NDFIP1: variants seen among roughly 807,000 people sequenced by gnomAD.
NDFIP1 encodes NEDD4 family-interacting protein 1.
Under a neutral mutation model 28.8 loss-of-function variants are expected in NDFIP1, and 7 were observed. The ratio of observed to expected loss-of-function variants is 0.24; its 90% CI spans 0.14 to 0.46. NDFIP1 has a LOEUF of 0.46. NDFIP1 is among the 20% of genes least tolerant of loss of function. The pLI is 0.99. For missense variants in NDFIP1, 194 were observed against 269.1 expected (o/e 0.72, Z 1.95); for synonymous variants, 92 against 101.0 (o/e 0.91, Z 0.53).
intron 1 of NDFIP1, among the ~76,000 whole-genome samples, chr5:142,121,183 G>A (rs1374029017): frequency 6.6e-6 from 1 of 152,202 alleles, no homozygotes; most frequent in African/African-American, 2.4e-5. Context: ...GAATTACATT[G>A]TGATCAAGAT....
chr5:142,115,686 T>G (rs1156935430), intron 1 of NDFIP1, among the ~76,000 whole-genome samples: 3 of 152,188 alleles, frequency 2.0e-5, no homozygotes, highest in African/African-American at 7.2e-5. Flanking sequence ...TTTCAAGTCA[T>G]TGTTGCCAAT....
intron 1 of NDFIP1, among the ~76,000 whole-genome samples, chr5:142,125,062 G>A (rs1409173616): frequency 3.3e-5 from 5 of 152,030 alleles, no homozygotes; most frequent in South Asian, 4.1e-4. Flanking sequence ...TCCTAACCTC[G>A]TGATCTGCCT....
rs1756980899 is a variant in NDFIP1, at chr5:142,108,930, A to G, written c.-45A>G. On this transcript the variant is annotated 5_prime_UTR_variant, in exon 1 of 8. Transcript: ENST00000253814. ...CAAGCCGCAGCGGCCGCGCCCCTTC[A>G]GCTAGCTCGCTCGCTCGCTCTGCTT... 1.5e-5 allele frequency: 21 copies of G among 1,408,876 alleles called. No individual in the cohort carries two copies. The highest frequency in any genetic ancestry group is 3.0e-5 in the African/African-American group (2 of 66,798). The allele number at this position is 1,408,876 out of a possible 1,614,324, so 87.3% of individuals were successfully genotyped here. A position where few individuals can be genotyped will look rare whatever the true frequency, so the allele number is the denominator to read the frequency against.
At chr5:142,136,244 T>G (rs1757273531) in intron 4 of NDFIP1, among the ~76,000 whole-genome samples, 1 of 152,232 alleles carries the variant, frequency 6.6e-6, no homozygotes. Flanking sequence ...TTTATCTTTT[T>G]GTGTGCCTCA....
At chr5:142,145,677 T>C (rs186771310) in intron 7 of NDFIP1, among the ~76,000 whole-genome samples, 2 of 152,232 alleles carry the variant, frequency 1.3e-5, no homozygotes, top group Middle Eastern at 3.4e-3. Flanking sequence ...GTTCAGAGGA[T>C]AGCAGCTTGA....
intron 4 of NDFIP1, 55 bp from the exon 5 acceptor site, chr5:142,137,679 T>G: frequency 1.2e-6 from 2 of 1,600,796 alleles, no homozygotes; most frequent in South Asian, 1.1e-5. Flanking sequence ...TAAGGCACTC[T>G]TGTTCTTGGG....
intron 1 of NDFIP1, among the ~76,000 whole-genome samples, chr5:142,115,185 T>G (rs560947866): frequency 6.6e-6 from 1 of 152,322 alleles, no homozygotes; most frequent in Admixed American, 6.5e-5. Flanking sequence ...ATCCTCAGAT[T>G]TATTTGTTTT....
intron 1 of NDFIP1, among the ~76,000 whole-genome samples, chr5:142,120,169 T>A (rs983273153): frequency 6.6e-6 from 1 of 152,180 alleles, no homozygotes. Flanking sequence ...TTGGTCAGGC[T>A]GGTCTCAAAC....
At position 142,137,771 on chromosome 5, in the gene NDFIP1, T is replaced by C. The variant is rs377512386; in HGVS notation, c.408T>C (p.Ser136=). 2.5e-6 allele frequency: 4 copies of C among 1,614,156 alleles called. No individual in the cohort carries two copies. The highest frequency in any genetic ancestry group is 3.4e-6 in the Non-Finnish European group (4 of 1,180,010). ...FLFNWIGFFL[S]FCLTTSAAGR... ...TTAACTGGATTGGGTTTTTCCTGTC[T>C]TTTTGCCTGACCACTTCAGCTGCAG... Residue 136 remains serine, a synonymous_variant, in exon 5 of 8, where the codon TCT becomes TCC. Coordinates refer to ENST00000253814, the MANE Select transcript of NDFIP1 (RefSeq NM_030571.4).
intron 1 of NDFIP1, among the ~76,000 whole-genome samples, chr5:142,117,076 T>A (rs1420243869): frequency 6.6e-6 from 1 of 152,152 alleles, no homozygotes; most frequent in Non-Finnish European, 1.5e-5. Flanking sequence ...ACCATTTTTC[T>A]GTTTTTGTCT....
chr5:142,139,699 C>T (rs1757309208), intron 5 of NDFIP1, among the ~76,000 whole-genome samples: 1 of 152,100 alleles, frequency 6.6e-6, no homozygotes, highest in Non-Finnish European at 1.5e-5. Flanking sequence ...GATAAAGCTT[C>T]CAAAGTCAAG....
At chr5:142,124,586 G>A (rs1484079219) in intron 1 of NDFIP1, among the ~76,000 whole-genome samples, 2 of 152,292 alleles carry the variant, frequency 1.3e-5, no homozygotes, top group East Asian at 3.9e-4. Flanking sequence ...AGCTTTGTGA[G>A]GGGATTTACT....
chr5:142,111,408 TAC>T (rs1368705283), intron 1 of NDFIP1, among the ~76,000 whole-genome samples: 1 of 152,146 alleles, frequency 6.6e-6, no homozygotes, highest in Non-Finnish European at 1.5e-5. Context: ...TAAGAATGTT[TAC>T]AGTTTTTTTC....
chr5:142,143,162 T>A (rs934653961), intron 6 of NDFIP1: 6 of 151,940 alleles, frequency 3.9e-5, no homozygotes, highest in African/African-American at 1.2e-4. Context: ...CAAGTTTTTT[T>A]AAATTAGTTG....
At chr5:142,130,185 A>G (rs1323008108) in intron 1 of NDFIP1, among the ~76,000 whole-genome samples, 1 of 152,196 alleles carries the variant, frequency 6.6e-6, no homozygotes, top group East Asian at 1.9e-4. Flanking sequence ...CAGCCAACTC[A>G]TGTTTTAAAT....
chr5:142,137,835 A>G lies in NDFIP1; in HGVS notation c.472A>G (p.Ile158Val), dbSNP rs765574098. 3.7e-6 allele frequency: 6 copies of G among 1,613,952 alleles called. No homozygotes were observed. The highest frequency in any genetic ancestry group is 1.3e-5 in the African/African-American group (1 of 74,904). ...GAISGFGLSL[I>V]KWILIVRFST... ...CATTTCAGGATTTGGTCTCTCTCTAATTAAATGGATCCTGATTGTCAGGGT... is the reference window on the plus strand; with the variant it reads ...CATTTCAGGATTTGGTCTCTCTCTAGTTAAATGGATCCTGATTGTCAGGGT... Residue 158 changes from isoleucine (I) to valine (V), a missense_variant, in exon 5 of 8, where the codon ATT (isoleucine) becomes GTT (valine). By Grantham distance (29) the Ile-to-Val change is conservative. Transcript: ENST00000253814.
chr5:142,121,391 C>T (rs1221017686), intron 1 of NDFIP1, among the ~76,000 whole-genome samples: 1 of 152,136 alleles, frequency 6.6e-6, no homozygotes, highest in Non-Finnish European at 1.5e-5. Flanking sequence ...CTATTCTTTT[C>T]ATTTTTATTG....
chr5:142,109,080 T>TCTGCC, intron 1 of NDFIP1, 43 bp downstream of exon 1: 5 of 1,330,798 alleles, frequency 3.8e-6, no homozygotes, highest in Non-Finnish European at 4.8e-6. Context: ...GGTCCCTGGC[T>TCTGCC]CTGCCCTGCC....
rs60076432 is a variant in NDFIP1, at chr5:142,142,940, A to AAAAAAT, written c.563-1630_563-1629insAAAATA. On this transcript the variant is annotated intron_variant, in intron 6 of 7. Coordinates refer to ENST00000253814, the MANE Select transcript of NDFIP1 (RefSeq NM_030571.4). ...CTCAAAAAAAAAAAAAAAAAAAAAA[A>AAAAAAT]ATATATATATATATATATATATATA... 239 of 37,992 alleles carry AAAAAAT rather than the reference A, an allele frequency of 6.3e-3. 3 individuals are homozygous for AAAAAAT. Among genetic ancestry groups the AAAAAAT allele is most frequent in the Non-Finnish European group, 8.4e-3 (190 of 22,640 alleles). The allele number at this position is 37,992 out of a possible 1,614,324, so 2.4% of individuals were successfully genotyped here.
Sources: gnomAD v4.1 joint callset for allele counts (sites outside exome capture counted in the v4.1 genomes callset) on GRCh38, gnomAD v4.1.1 for gene constraint, MANE v1.5 for transcripts, NCBI Gene and HGNC (gene_info 2026-07-23, HGNC 2026-07-21) for gene names.